The following FEM1C variants were observed in gnomAD, a reference collection of about 807,000 sequenced individuals.
The protein encoded by FEM1C is protein fem-1 homolog C.
In FEM1C, 15 loss-of-function variants were observed where a neutral mutation model predicts 37.6. That is an observed-to-expected ratio of 0.40 (90% CI 0.27 to 0.61). FEM1C has a LOEUF of 0.61. FEM1C is among the 20% of genes least tolerant of loss of function. The pLI, the probability that FEM1C is intolerant of heterozygous loss-of-function variation, is 0.42. For synonymous variants in FEM1C, 287 were observed against 272.8 expected (o/e 1.05, Z -0.51); for missense variants, 532 against 749.7 (o/e 0.71, Z 3.39).
intron 2 of FEM1C, among the ~76,000 whole-genome samples, chr5:115,537,608 G>A (rs1330215311): frequency 6.6e-6 from 1 of 152,028 alleles, no homozygotes; most frequent in Non-Finnish European, 1.5e-5. Flanking sequence ...GGAAAAGAAT[G>A]AACACAGAGC....
chr5:115,542,949 C>T lies in FEM1C; in HGVS notation c.544+1G>A. Reference sequence around the variant, plus strand: ...TAGAAAAACAAAGAAGCTGAACTCACCTTTGACACTTTTTCTATTAACATC... The same window carrying T: ...TAGAAAAACAAAGAAGCTGAACTCATCTTTGACACTTTTTCTATTAACATC... On this transcript the variant is annotated splice_donor_variant, in intron 2 of 2. Transcript: ENST00000274457. LOFTEE classifies it high-confidence loss of function. The T allele has an allele frequency of 6.2e-7, 1 of 1,609,204 alleles. No homozygotes were observed.
chr5:115,524,174 A>G lies in FEM1C; in HGVS notation c.*134T>C. ...AACCAATGTTGTAAATTTGATGCTT[A>G]TAATGCTTTAGCCAATGAGAGCACA... On this transcript the variant is annotated 3_prime_UTR_variant, in exon 3 of 3. Transcript: ENST00000274457. 7.5e-6 allele frequency: 5 copies of G among 662,918 alleles called. No homozygotes were observed. Among genetic ancestry groups the G allele is most frequent in the Middle Eastern group, 4.2e-4 (1 of 2,406 alleles). The allele number at this position is 662,918 out of a possible 1,614,324, so 41.1% of individuals were successfully genotyped here. A position where few individuals can be genotyped will look rare whatever the true frequency, so the allele number is the denominator to read the frequency against.
intron 2 of FEM1C, among the ~76,000 whole-genome samples, chr5:115,537,574 A>G (rs1754154951): frequency 6.6e-6 from 1 of 152,052 alleles, no homozygotes; most frequent in African/African-American, 2.4e-5. Flanking sequence ...AGGACACAGA[A>G]AAGTGTGCCA....
intron 2 of FEM1C, 41 bp from the exon 3 acceptor site, chr5:115,525,658 G>A: frequency 6.8e-7 from 1 of 1,477,922 alleles, no homozygotes; most frequent in East Asian, 2.3e-5. Context: ...ATACATTGAG[G>A]GACCAAAATA....
intron 2 of FEM1C, among the ~76,000 whole-genome samples, chr5:115,533,706 G>A (rs764276443): frequency 8.6e-5 from 13 of 151,588 alleles, no homozygotes; most frequent in Admixed American, 4.6e-4. Flanking sequence ...TCTTCTTTTC[G>A]CATTCTCAGA....
intron 2 of FEM1C, among the ~76,000 whole-genome samples, chr5:115,534,542 A>G (rs1322187415): frequency 6.6e-6 from 1 of 151,940 alleles, no homozygotes; most frequent in Non-Finnish European, 1.5e-5. Flanking sequence ...ACATATAAAT[A>G]TCTCAATTTA....
rs192716165 is a variant in FEM1C at position 115,521,211 on chromosome 5, T to C, written c.*3097A>G. The stretch of plus-strand genomic sequence containing the variant: ...GTTACAGTGTAAAAGAGTATGTCAT[T>C]ATCTCATCCAGCCTGCACAATTCTA... On this transcript the variant is annotated 3_prime_UTR_variant, in exon 3 of 3. Transcript: ENST00000274457. The C allele has an allele frequency of 3.3e-5, 5 of 151,894 alleles. No individual in the cohort carries two copies. In the East Asian group the frequency reaches 7.7e-4, roughly 23 times the overall value. The allele number at this position is 151,894 out of a possible 1,614,324, so 9.4% of individuals were successfully genotyped here. A position where few individuals can be genotyped will look rare whatever the true frequency, so the allele number is the denominator to read the frequency against.
intron 2 of FEM1C, among the ~76,000 whole-genome samples, chr5:115,530,832 T>C (rs377496382): frequency 2.6e-5 from 4 of 151,792 alleles, no homozygotes; most frequent in African/African-American, 7.3e-5. Context: ...TAAAAAGCAC[T>C]AAATAATAAA....
rs1753786171 is a variant in FEM1C at position 115,522,023 on chromosome 5, T to C, written c.*2285A>G. 1 of 151,874 alleles carries C rather than the reference T, an allele frequency of 6.6e-6. No homozygotes were observed. Among genetic ancestry groups the C allele is most frequent in the Admixed American group, 6.6e-5 (1 of 15,220 alleles). The allele number at this position is 151,874 out of a possible 1,614,324, so 9.4% of individuals were successfully genotyped here. A position where few individuals can be genotyped will look rare whatever the true frequency, so the allele number is the denominator to read the frequency against. ...TCTATTTTTACTGGTGCAAAAATGCTATTTAAAGAAATCCTTACTTTACAC... is the reference window on the plus strand; with the variant it reads ...TCTATTTTTACTGGTGCAAAAATGCCATTTAAAGAAATCCTTACTTTACAC... On this transcript the variant is annotated 3_prime_UTR_variant, in exon 3 of 3. Coordinates refer to ENST00000274457, the MANE Select transcript of FEM1C (RefSeq NM_020177.3).
intron 2 of FEM1C, among the ~76,000 whole-genome samples, chr5:115,538,161 A>G (rs1425009917): frequency 1.3e-5 from 2 of 152,050 alleles, no homozygotes; most frequent in Non-Finnish European, 2.9e-5. Flanking sequence ...TGATGAATAC[A>G]TAGTGGTTCA....
intron 2 of FEM1C, among the ~76,000 whole-genome samples, chr5:115,540,785 A>G (rs1239437139): frequency 6.6e-6 from 1 of 152,112 alleles, no homozygotes; most frequent in Admixed American, 6.5e-5. Context: ...AGGCTTTTAA[A>G]ACATATCCCA....
At position 115,543,407 on chromosome 5, in the gene FEM1C, C is replaced by T. The variant is rs372149129; in HGVS notation, c.87G>A (p.Glu29=). 6 of 1,614,048 alleles carry T rather than the reference C, an allele frequency of 3.7e-6. No individual in the cohort carries two copies. Among genetic ancestry groups the T allele is most frequent in the Non-Finnish European group, 4.2e-6 (5 of 1,180,024 alleles). ...LTKLLASKSK[E]EVSSLISEKT... is the part of the protein sequence containing the mutation. ...TTTCAGAGATCAAGGAGGAAACCTC[C>T]TCTTTGGATTTGCTTGCCAACAATT... The change falls in exon 2 of 3, where the codon GAG becomes GAA. Residue 29 remains glutamate (E), a synonymous_variant. Coordinates refer to ENST00000274457, the MANE Select transcript of FEM1C (RefSeq NM_020177.3).
Position 115,524,365 on chromosome 5 carries a change from T to G in FEM1C, c.1797A>C (p.Ile599=), listed in dbSNP as rs201655348. 6.2e-7 allele frequency: 1 copy of G among 1,613,486 alleles called. No individual in the cohort carries two copies. Among genetic ancestry groups the G allele is most frequent in the African/African-American group, 1.3e-5 (1 of 75,000 alleles). ...TTTCTGGGATATGCCCTTTATAATA[T>G]ATTCTATGATTCACTATGACACGAG... ...LAARVIVNHR[I]YYKGHIPEKL... The change falls in exon 3 of 3, where the codon ATA becomes ATC. Residue 599 remains isoleucine (I), a synonymous_variant. Coordinates refer to ENST00000274457, the MANE Select transcript of FEM1C (RefSeq NM_020177.3).
chr5:115,543,473 T>C lies in FEM1C; in HGVS notation c.21A>G (p.Val7=), dbSNP rs1169572308. 28 of 1,611,802 alleles carry C rather than the reference T, an allele frequency of 1.7e-5. No homozygotes were observed. The highest frequency in any genetic ancestry group is 2.3e-5 in the Non-Finnish European group (27 of 1,179,330). The change falls in exon 2 of 3, where the codon GTA becomes GTG. Residue 7 remains valine (V), a synonymous_variant. Coordinates refer to ENST00000274457, the MANE Select transcript of FEM1C (RefSeq NM_020177.3). MDLKTA[V]FNAARDGKLR... ...GTTTGCCATCCCGAGCTGCGTTAAA[T>C]ACTGCTGTCTTTAGATCCATTTATG...
In FEM1C at chr5:115,537,713, T is replaced by C. The variant is rs555981123; in HGVS notation, c.544+5237A>G. Among the ~76,000 whole-genome samples the C allele has an allele frequency of 3.3e-5, 5 of 152,158 alleles. No homozygotes were observed. In the East Asian group the frequency reaches 9.7e-4, roughly 29 times the overall value. On this transcript the variant is annotated intron_variant, in intron 2 of 2. Transcript: ENST00000274457. ...ATTACTCAATCAAAATAAATATAGA[T>C]ATATTAGAATAAGTCCCTCCCTTCC...
At chr5:115,544,173 A>C in intron 1 of FEM1C, 1 of 985,296 alleles carries the variant, frequency 1.0e-6, no homozygotes, top group South Asian at 4.7e-5. Flanking sequence ...GCCCCGAAAG[A>C]TTCTCTTTCC....
At chr5:115,535,957 A>G (rs1311538449) in intron 2 of FEM1C, among the ~76,000 whole-genome samples, 1 of 152,030 alleles carries the variant, frequency 6.6e-6, no homozygotes, top group Non-Finnish European at 1.5e-5. Flanking sequence ...TAACAAGACA[A>G]CTCACAAAAG....
chr5:115,541,830 A>C (rs1561561143), intron 2 of FEM1C, among the ~76,000 whole-genome samples: 2 of 152,148 alleles, frequency 1.3e-5, no homozygotes, highest in Non-Finnish European at 2.9e-5. Context: ...CTACACAAAC[A>C]AGCATGCTTG....
intron 2 of FEM1C, among the ~76,000 whole-genome samples, chr5:115,526,277 T>C (rs1398849578): frequency 6.6e-6 from 1 of 152,176 alleles, no homozygotes; most frequent in African/African-American, 2.4e-5. Flanking sequence ...TTAGCCAAAA[T>C]TCTTGGTAAC....
Sources: allele counts gnomAD v4.1 joint callset (sites outside exome capture counted in the v4.1 genomes callset), GRCh38; gene constraint gnomAD v4.1.1; transcripts MANE v1.5; gene names NCBI Gene and HGNC (gene_info 2026-07-23, HGNC 2026-07-21).